DOCK1: variants seen among roughly 807,000 people sequenced by gnomAD.
DOCK1 encodes the protein dedicator of cytokinesis 1, also known as dedicator of cytokinesis protein 1.
DOCK1 carries 138 observed loss-of-function variants against 262.7 expected under a neutral mutation model. That is an observed-to-expected ratio of 0.53 (90% CI 0.46 to 0.61). The LOEUF (loss-of-function observed/expected upper bound fraction) is 0.61. Among genes scored for constraint, DOCK1 ranks in the 20% least tolerant of loss-of-function variants. The probability of loss-of-function intolerance (pLI) is 0.00; values close to 1 mark genes in which losing one functional copy is unlikely to be tolerated. For missense variants in DOCK1, 1,908 were observed against 2,370.7 expected (o/e 0.80, Z 4.05); for synonymous variants, 866 against 867.4 (o/e 1.00, Z 0.03).
chr10:127,205,030 A>C (rs2057650619), intron 27 of DOCK1, among the ~76,000 whole-genome samples: 1 of 152,106 alleles, frequency 6.6e-6, no homozygotes, highest in Non-Finnish European at 1.5e-5. Context: ...TCTAATAGAA[A>C]ATAACATTTA....
chr10:127,181,623 T>C (rs1314109835), intron 27 of DOCK1, among the ~76,000 whole-genome samples: 1 of 152,216 alleles, frequency 6.6e-6, no homozygotes, highest in Non-Finnish European at 1.5e-5. Context: ...TCAAAGATGC[T>C]GGTGGGGATT....
At chr10:127,094,721 C>T (rs1232183438) in intron 23 of DOCK1, among the ~76,000 whole-genome samples, 1 of 152,204 alleles carries the variant, frequency 6.6e-6, no homozygotes, top group African/African-American at 2.4e-5. Context: ...TTATTCAGAC[C>T]ATGAATAAAA....
chr10:127,269,603 T>A lies in DOCK1; in HGVS notation c.3044+12174T>A, dbSNP rs2135160638. ...CTGTCAAGCATAGGTCTTGTGCAGTTGTCTCTGTTCAGAAGCCAGTCACCA... is the reference window on the plus strand; with the variant it reads ...CTGTCAAGCATAGGTCTTGTGCAGTAGTCTCTGTTCAGAAGCCAGTCACCA... On this transcript the variant is annotated intron_variant, in intron 29 of 51. Coordinates refer to ENST00000623213, the MANE Select transcript of DOCK1 (RefSeq NM_001290223.2). Among the ~76,000 whole-genome samples, 2 of 152,336 alleles carry A rather than the reference T, an allele frequency of 1.3e-5. 1 individual carries two copies. Among genetic ancestry groups the A allele is most frequent in the Middle Eastern group, 6.8e-3 (2 of 294 alleles).
chr10:127,253,700 C>T (rs2059732303), intron 28 of DOCK1, among the ~76,000 whole-genome samples: 2 of 151,658 alleles, frequency 1.3e-5, no homozygotes, highest in South Asian at 4.2e-4. Context: ...ATAGTGAGAC[C>T]CCATTTCTAC....
chr10:126,935,265 T>C (rs1378013475), intron 1 of DOCK1, among the ~76,000 whole-genome samples: 1 of 152,336 alleles, frequency 6.6e-6, no homozygotes, highest in East Asian at 1.9e-4. Flanking sequence ...TAATATACTT[T>C]GCTTAGTGAT....
At chr10:127,440,181 C>G (rs1273731931) in intron 49 of DOCK1, among the ~76,000 whole-genome samples, 2 of 151,018 alleles carry the variant, frequency 1.3e-5, no homozygotes, top group East Asian at 2.0e-4. Flanking sequence ...GGGGTGTGTT[C>G]CAGGCTCTTT....
chr10:127,380,730 G>A (rs900758779), intron 36 of DOCK1, among the ~76,000 whole-genome samples: 1 of 152,176 alleles, frequency 6.6e-6, no homozygotes, highest in Non-Finnish European at 1.5e-5. Flanking sequence ...ACTAGGAGAA[G>A]GATGTAACCT....
At chr10:127,280,261 C>G (rs1168667709) in intron 29 of DOCK1, among the ~76,000 whole-genome samples, 3 of 151,818 alleles carry the variant, frequency 2.0e-5, no homozygotes, top group Middle Eastern at 6.3e-3. Flanking sequence ...GTCTCCATCT[C>G]CTGACCTCGT....
intron 29 of DOCK1, among the ~76,000 whole-genome samples, chr10:127,258,321 C>T (rs539134469): frequency 6.6e-6 from 1 of 152,298 alleles, no homozygotes; most frequent in Admixed American, 6.5e-5. Flanking sequence ...TCCGTAAGCT[C>T]TCTCGACCAC....
intron 27 of DOCK1, chr10:127,137,676 A>G: frequency 1.8e-6 from 1 of 568,572 alleles, no homozygotes; most frequent in South Asian, 3.1e-5. Flanking sequence ...GCTTCTGTTA[A>G]TTATCTATTG....
At chr10:127,137,820 T>C in intron 27 of DOCK1, 1 of 1,604,998 alleles carries the variant, frequency 6.2e-7, no homozygotes, top group Non-Finnish European at 8.5e-7. Context: ...GCCTCGAGAC[T>C]CCAGACACCG....
chr10:126,912,232 C>T lies in DOCK1; in HGVS notation c.46+6669C>T, dbSNP rs182592266. ...TCACCTGAGGTCAGGGGTTAGAGAC[C>T]AGCCTGGCCAATATGGTGAAACCCC... is the stretch of plus-strand genomic sequence containing the variant. On this transcript the variant is annotated intron_variant, in intron 1 of 51. Coordinates refer to ENST00000623213, the MANE Select transcript of DOCK1 (RefSeq NM_001290223.2). Among the ~76,000 whole-genome samples the T allele has an allele frequency of 5.8e-3, 888 of 152,110 alleles. 5 individuals carry two copies. Among genetic ancestry groups the T allele is most frequent in the South Asian group, 0.011 (55 of 4,808 alleles).
At chr10:127,182,774 C>A (rs73380430) in intron 27 of DOCK1, among the ~76,000 whole-genome samples, 1,787 of 152,204 alleles carry the variant, frequency 0.012, 30 homozygotes, top group African/African-American at 0.041. Flanking sequence ...TTCCCTGCCT[C>A]CCTGTTTCCC....
chr10:126,910,835 T>A (rs2031660914), intron 1 of DOCK1, among the ~76,000 whole-genome samples: 1 of 152,248 alleles, frequency 6.6e-6, no homozygotes, highest in Non-Finnish European at 1.5e-5. Context: ...GCATAGGAGG[T>A]AAGCTTTCGG....
intron 31 of DOCK1, among the ~76,000 whole-genome samples, chr10:127,353,484 A>C (rs1471701303): frequency 1.3e-5 from 2 of 152,076 alleles, no homozygotes; most frequent in Non-Finnish European, 2.9e-5. Context: ...TGCTTTCCCC[A>C]ACCATGGACG....
chr10:127,323,309 T>C (rs1340615749), intron 29 of DOCK1, among the ~76,000 whole-genome samples: 1 of 152,148 alleles, frequency 6.6e-6, no homozygotes. Flanking sequence ...GTGGTGCTGG[T>C]GTGTGTCTTG....
At chr10:127,173,373 G>A (rs1006934753) in intron 27 of DOCK1, among the ~76,000 whole-genome samples, 3 of 152,212 alleles carry the variant, frequency 2.0e-5, no homozygotes, top group Non-Finnish European at 2.9e-5. Context: ...GAACCACACT[G>A]CTAGATGGAT....
chr10:126,987,800 G>A (rs1459637720), intron 5 of DOCK1, among the ~76,000 whole-genome samples, 183 bp downstream of exon 5: 1 of 152,164 alleles, frequency 6.6e-6, no homozygotes, highest in East Asian at 1.9e-4. Context: ...GCTGGGGGCT[G>A]TGTGCCCTTC....
intron 23 of DOCK1, among the ~76,000 whole-genome samples, chr10:127,083,857 A>C (rs1337328879): frequency 3.3e-5 from 5 of 152,212 alleles, no homozygotes; most frequent in African/African-American, 1.2e-4. Context: ...CAACCACTCT[A>C]CCTTGCTTTA....
Sources: gnomAD v4.1 joint callset for allele counts (sites outside exome capture counted in the v4.1 genomes callset) on GRCh38, gnomAD v4.1.1 for gene constraint, MANE v1.5 for transcripts, NCBI Gene and HGNC (gene_info 2026-07-23, HGNC 2026-07-21) for gene names.